The following AMY2B variants were observed in gnomAD, a reference collection of about 807,000 sequenced individuals.
The protein encoded by AMY2B is alpha-amylase 2B.
A neutral mutation model predicts 59.3 loss-of-function variants in AMY2B; 63 were observed. The observed-to-expected ratio is 1.06, with a 90% CI of 0.87 to 1.31. The LOEUF is 1.31. AMY2B is among the 50% of genes most tolerant of loss of function. The pLI, the probability that AMY2B is intolerant of heterozygous loss-of-function variation, is 0.00. For synonymous variants in AMY2B, 180 were observed against 198.1 expected, an observed-to-expected ratio of 0.91 and a Z score of 0.77; for missense variants, 635 against 626.7, an observed-to-expected ratio of 1.01 and a Z score of -0.14.
chr1:103,571,615 C>G lies in AMY2B; in HGVS notation c.13C>G (p.Leu5Val). Residue 5 changes from leucine (L) to valine (V), a missense_variant, in exon 1 of 10, where the codon CTG becomes GTG. Transcript: ENST00000684275. ...ACTTCAAAGCAAAATGAAGTTCTTT[C>G]TGTTGCTTTTCACCATTGGGTTCTG... MKFF[L>V]LLFTIGFCWA... 1 of 1,611,274 alleles carries G rather than the reference C, an allele frequency of 6.2e-7. No homozygotes were observed. Among genetic ancestry groups the G allele is most frequent in the Non-Finnish European group, 8.5e-7 (1 of 1,179,228 alleles).
intron 7 of AMY2B, among the ~76,000 whole-genome samples, chr1:103,576,901 T>C (rs914704944): frequency 6.6e-6 from 1 of 152,208 alleles, no homozygotes; most frequent in Non-Finnish European, 1.5e-5. Flanking sequence ...ACTAATGCCC[T>C]TCCCATTTCA....
intron 7 of AMY2B, among the ~76,000 whole-genome samples, chr1:103,577,073 G>T (rs1652384830): frequency 6.6e-6 from 1 of 152,118 alleles, no homozygotes; most frequent in Admixed American, 6.6e-5. Flanking sequence ...CGTCTTTACT[G>T]AAAATTTTTT....
upstream of AMY2B, chr1:103,569,536 C>A: frequency 3.1e-6 from 1 of 319,416 alleles, no homozygotes. Flanking sequence ...CACTGTCCCA[C>A]TCCTCCACCA....
chr1:103,577,619 G>A lies in AMY2B; in HGVS notation c.1220+11G>A, dbSNP rs1652412107. 6.2e-7 allele frequency: 1 copy of A among 1,611,858 alleles called. No homozygotes were observed. Among genetic ancestry groups the A allele is most frequent in the Non-Finnish European group, 8.5e-7 (1 of 1,179,766 alleles). ...ATGGCGCCAAATAAGGTGAGAATAT[G>A]TATTTAGACATGTCCTCTAATAGTA... On this transcript the variant is annotated intron_variant, in intron 8 of 9. Coordinates refer to ENST00000684275, the MANE Select transcript of AMY2B (RefSeq NM_001387437.1).
intron 9 of AMY2B, among the ~76,000 whole-genome samples, chr1:103,578,494 C>T (rs182779586): frequency 3.5e-4 from 54 of 152,254 alleles, no homozygotes; most frequent in African/African-American, 1.2e-3. Context: ...CAGAAGACCT[C>T]GTTGCAAACA....
intron 2 of AMY2B, among the ~76,000 whole-genome samples, chr1:103,572,608 T>C (rs531434412): frequency 6.4e-4 from 98 of 152,312 alleles, no homozygotes; most frequent in African/African-American, 2.3e-3. Flanking sequence ...TCTCCATCCA[T>C]AATTCCTGGG....
At chr1:103,566,753 C>T (rs1180614489), upstream of AMY2B, among the ~76,000 whole-genome samples, 2 of 152,100 alleles carry the variant, frequency 1.3e-5, no homozygotes, top group East Asian at 3.9e-4. Context: ...GACAATTTAC[C>T]CAGTCTGTCT....
upstream of AMY2B, chr1:103,570,696 A>G (rs1355401119): frequency 1.8e-6 from 1 of 564,018 alleles, no homozygotes; most frequent in Admixed American, 1.9e-5. Context: ...GCAGATGGCT[A>G]GCAATTGCTT....
In AMY2B at chr1:103,575,257, G is replaced by C. The variant is rs142179530; in HGVS notation, c.913G>C (p.Asp305His). 18 of 1,613,500 alleles carry C rather than the reference G, an allele frequency of 1.1e-5. No individual in the cohort carries two copies. The highest frequency in any genetic ancestry group is 2.7e-5 in the African/African-American group (2 of 74,878). The change falls in exon 6 of 10, where the codon GAC (aspartate) becomes CAC (histidine). Residue 305 changes from aspartate (D) to histidine (H), a missense_variant. By Grantham distance (81) the Asp-to-His change is moderately conservative. Coordinates refer to ENST00000684275, the MANE Select transcript of AMY2B (RefSeq NM_001387437.1). ...AGAAGGTTGGGGTTTCATGCCTTCT[G>C]ACAGAGCACTTGTCTTTGTGGATAA... is the stretch of plus-strand genomic sequence containing the variant. ...WGEGWGFMPS[D>H]RALVFVDNHD...
At chr1:103,568,802 A>AATATATATATGTTTGTGT (rs1651998213), upstream of AMY2B, 1 of 151,366 alleles carries the variant, frequency 6.6e-6, no homozygotes, top group African/African-American at 2.4e-5. Flanking sequence ...ATATATATGG[A>AATATATATATGTTTGTGT]ATATATATAT....
intron 5 of AMY2B, among the ~76,000 whole-genome samples, chr1:103,574,946 A>G (rs1485834519): frequency 1.3e-5 from 2 of 151,284 alleles, no homozygotes; most frequent in Non-Finnish European, 2.9e-5. Context: ...TAATATGAAT[A>G]TAAGTATTCC....
At chr1:103,556,629 G>A (rs1475740143) in intron 1 of AMY2B, among the ~76,000 whole-genome samples, 2 of 151,774 alleles carry the variant, frequency 1.3e-5, no homozygotes, top group African/African-American at 4.8e-5. Flanking sequence ...ACTAAGTATA[G>A]TATAATAGTA....
At chr1:103,574,521 A>G in intron 5 of AMY2B, 128 bp downstream of exon 5, 1 of 1,547,046 alleles carries the variant, frequency 6.5e-7, no homozygotes. Flanking sequence ...AATGATAAGT[A>G]TTCTAGTGCC....
At chr1:103,565,025 A>G (rs1005774861) in intron 1 of AMY2B, 1 of 152,096 alleles carries the variant, frequency 6.6e-6, no homozygotes, top group African/African-American at 2.4e-5. Flanking sequence ...TTTTCTGTAC[A>G]GTCTCCACCA....
chr1:103,571,374 C>A, upstream of AMY2B: 2 of 1,113,244 alleles, frequency 1.8e-6, no homozygotes, highest in Non-Finnish European at 2.5e-6. Context: ...AATAAAAGTG[C>A]TGCCAGAACC....
upstream of AMY2B, chr1:103,570,574 G>T (rs190759660): frequency 3.8e-5 from 23 of 597,710 alleles, no homozygotes; most frequent in East Asian, 8.6e-4. Context: ...TGGATCAGCG[G>T]CTCCATCCTG....
rs147215616 is a variant in AMY2B at position 103,575,230 on chromosome 1, G to A, written c.886G>A (p.Gly296Arg). 4,672 of 1,613,500 alleles carry A rather than the reference G, an allele frequency of 2.9e-3. 16 individuals are homozygous for A. The highest frequency in any genetic ancestry group is 3.4e-3 in the Non-Finnish European group (4,028 of 1,179,584). The stretch of plus-strand genomic sequence containing the variant: ...CTTATTTTTCAAAAATAGGAACTGG[G>A]GAGAAGGTTGGGGTTTCATGCCTTC... ...GEKMSYLKNW[G>R]EGWGFMPSDR... The change falls in exon 6 of 10, where the codon GGA (glycine) becomes AGA (arginine). Residue 296 changes from glycine (G) to arginine (R), a missense_variant. Coordinates refer to ENST00000684275, the MANE Select transcript of AMY2B (RefSeq NM_001387437.1).
intron 1 of AMY2B, chr1:103,562,054 C>T (rs1258911188): frequency 1.3e-5 from 2 of 152,142 alleles, no homozygotes; most frequent in Non-Finnish European, 2.9e-5. Context: ...AAACACTCAA[C>T]TGTGGGTTTG....
At chr1:103,578,859 C>T (rs1442402237) in intron 9 of AMY2B, among the ~76,000 whole-genome samples, 10 of 89,872 alleles carry the variant, frequency 1.1e-4, no homozygotes, top group East Asian at 5.9e-4. Flanking sequence ...TTTTAGGGTA[C>T]GGGGAGGGGG....
Sources: gnomAD v4.1 joint callset for allele counts (sites outside exome capture counted in the v4.1 genomes callset) on GRCh38, gnomAD v4.1.1 for gene constraint, MANE v1.5 for transcripts, NCBI Gene and HGNC (gene_info 2026-07-23, HGNC 2026-07-21) for gene names.